The following KLF9 variants were observed in gnomAD, a reference collection of about 807,000 sequenced individuals.
The protein encoded by KLF9 is KLF transcription factor 9.
In KLF9, 2 loss-of-function variants were observed where a neutral mutation model predicts 17.3. The ratio of observed to expected loss-of-function variants is 0.12; its 90% CI spans 0.05 to 0.36. The LOEUF (loss-of-function observed/expected upper bound fraction) is 0.36. Among genes scored for constraint, KLF9 ranks in the 10% least tolerant of loss-of-function variants. KLF9 has a pLI of 1.00. For missense variants in KLF9, 226 were observed against 333.2 expected, an observed-to-expected ratio of 0.68 and a Z score of 2.51; for synonymous variants, 138 against 139.2, an observed-to-expected ratio of 0.99 and a Z score of 0.06.
At position 70,412,907 on chromosome 9, in the gene KLF9, C is replaced by A; in HGVS notation, c.457G>T (p.Val153Phe). 1 of 1,612,044 alleles carries A rather than the reference C, an allele frequency of 6.2e-7. No homozygotes were observed. Among genetic ancestry groups the A allele is most frequent in the Non-Finnish European group, 8.5e-7 (1 of 1,178,928 alleles). The change falls in exon 1 of 2, where the codon GTC becomes TTC. Residue 153 changes from valine (V) to phenylalanine (F), a missense_variant. Coordinates refer to ENST00000377126, the MANE Select transcript of KLF9 (RefSeq NM_001206.4). Reference sequence around the variant, plus strand: ...TTGAGATGGGAGGATTTTCCATAGACTTTCCCACAGCCACTGTAGGGGCAC... The same window carrying A: ...TTGAGATGGGAGGATTTTCCATAGAATTTCCCACAGCCACTGTAGGGGCAC... ...HKCPYSGCGK[V>F]YGKSSHLKAH... is the part of the protein sequence containing the mutation.
intron 1 of KLF9, among the ~76,000 whole-genome samples, chr9:70,396,013 C>A (rs1425805439): frequency 6.6e-6 from 1 of 152,048 alleles, no homozygotes; most frequent in Admixed American, 6.6e-5. Flanking sequence ...ATATTTCATA[C>A]AAAAATATAT....
intron 1 of KLF9, 65 bp downstream of exon 1, chr9:70,412,794 G>A (rs757101060): frequency 6.6e-5 from 99 of 1,492,848 alleles, no homozygotes; most frequent in Non-Finnish European, 8.6e-5. Flanking sequence ...CGAACGCCCA[G>A]GAACGCTGCC....
At chr9:70,409,130 G>GTGTGTATATATA in intron 1 of KLF9, among the ~76,000 whole-genome samples, 1 of 53,000 alleles carries the variant, frequency 1.9e-5, no homozygotes, top group Non-Finnish European at 5.2e-5. Flanking sequence ...ATGTATATAT[G>GTGTGTATATATA]TATACATATA....
At chr9:70,397,405 G>A (rs1402497882) in intron 1 of KLF9, among the ~76,000 whole-genome samples, 3 of 152,008 alleles carry the variant, frequency 2.0e-5, no homozygotes. Flanking sequence ...AACCCTGGAG[G>A]TGGAGGTTGC....
At chr9:70,389,440 T>C (rs1367865789) in intron 1 of KLF9, among the ~76,000 whole-genome samples, 1 of 152,024 alleles carries the variant, frequency 6.6e-6, no homozygotes, top group African/African-American at 2.4e-5. Flanking sequence ...GAAAGCAGAG[T>C]AATGAACTGG....
chr9:70,402,056 G>GAAAAGA (rs927603410), intron 1 of KLF9, among the ~76,000 whole-genome samples: 3 of 151,866 alleles, frequency 2.0e-5, no homozygotes, highest in Admixed American at 2.0e-4. Context: ...AAATCAATTA[G>GAAAAGA]AAAAGAAAAA....
At chr9:70,393,312 G>C (rs1483707923) in intron 1 of KLF9, among the ~76,000 whole-genome samples, 2 of 152,212 alleles carry the variant, frequency 1.3e-5, no homozygotes, top group African/African-American at 4.8e-5. Context: ...CTGCTGATTA[G>C]TTGATGATGC....
At chr9:70,412,838 G>T in intron 1 of KLF9, 21 bp downstream of exon 1, 1 of 1,536,530 alleles carries the variant, frequency 6.5e-7, no homozygotes, top group Non-Finnish European at 8.8e-7. Context: ...GAGCTCCGGG[G>T]GAGAGGGCGA....
intron 1 of KLF9, among the ~76,000 whole-genome samples, chr9:70,397,519 C>A (rs1396425845): frequency 2.0e-5 from 3 of 151,828 alleles, no homozygotes; most frequent in Non-Finnish European, 4.4e-5. Flanking sequence ...CCTGAATATA[C>A]TACATCTGTC....
Position 70,412,939 on chromosome 9 carries a change from C to A in KLF9, c.425G>T (p.Arg142Met), listed in dbSNP as rs762712909. Residue 142 changes from arginine to methionine, a missense_variant, in exon 1 of 2, where the codon AGG becomes ATG. Physicochemically the swap from Arg to Met is moderately conservative, Grantham distance 91. Coordinates refer to ENST00000377126, the MANE Select transcript of KLF9 (RefSeq NM_001206.4). ...ACAGCCACTGTAGGGGCACTTGTGCCTCTTTTCGGAGGCGTGTTTCCCCTT... is the reference window on the plus strand; with the variant it reads ...ACAGCCACTGTAGGGGCACTTGTGCATCTTTTCGGAGGCGTGTTTCCCCTT... ...AAKGKHASEK[R>M]HKCPYSGCGK... is the part of the protein sequence containing the mutation. 37 of 1,614,086 alleles carry A rather than the reference C, an allele frequency of 2.3e-5. No individual in the cohort carries two copies. The highest frequency in any genetic ancestry group is 3.1e-5 in the Non-Finnish European group (36 of 1,180,010).
chr9:70,414,397 C>G lies in KLF9; in HGVS notation c.-1034G>C, dbSNP rs1294786425. 2 of 152,250 alleles carry G rather than the reference C, an allele frequency of 1.3e-5. No homozygotes were observed. Among genetic ancestry groups the G allele is most frequent in the Non-Finnish European group, 1.5e-5 (1 of 68,048 alleles). 9.4% of individuals were successfully genotyped at this position (152,250 alleles called of 1,614,324 possible). A position where few individuals can be genotyped will look rare whatever the true frequency, so the allele number is the denominator to read the frequency against. On this transcript the variant is annotated 5_prime_UTR_variant, in exon 1 of 2. Transcript: ENST00000377126. ...CAAACGCTACAGTCCCAGCAACCAG[C>G]CTTCCAATCAAAAGTAAGTTGGTTG...
chr9:70,402,163 G>T (rs538862849), intron 1 of KLF9, among the ~76,000 whole-genome samples: 1 of 152,264 alleles, frequency 6.6e-6, no homozygotes, highest in East Asian at 1.9e-4. Flanking sequence ...CAAGCATTTT[G>T]GGGCTGGCCA....
At chr9:70,404,817 C>T (rs2037245653) in intron 1 of KLF9, among the ~76,000 whole-genome samples, 1 of 152,092 alleles carries the variant, frequency 6.6e-6, no homozygotes, top group South Asian at 2.1e-4. Context: ...TACTGAGCTC[C>T]ATTTTACAGA....
In KLF9 at chr9:70,401,154, C is replaced by T. The variant is rs1003662244; in HGVS notation, c.505+11705G>A. On this transcript the variant is annotated intron_variant, in intron 1 of 1. Coordinates refer to ENST00000377126, the MANE Select transcript of KLF9 (RefSeq NM_001206.4). ...TTCGAGACCAGCCTGAGCAATATAG[C>T]GAGATCCCATCTCCAAAAAAAAAAA... 4.4e-4 allele frequency among the ~76,000 whole-genome samples: 60 copies of T among 137,350 alleles called. 1 individual carries two copies. Among genetic ancestry groups the T allele is most frequent in the African/African-American group, 1.6e-3 (59 of 35,988 alleles). 90.1% of individuals were successfully genotyped at this position (137,350 alleles called of 152,430 possible).
chr9:70,413,451 G>GAGCGCGGCGCGGCGCGGCAC lies in KLF9; in HGVS notation c.-108_-89dup, dbSNP rs2037344440. ...TCGCCCTGCCCTGGCCTCGGACGAC[G>GAGCGCGGCGCGGCGCGGCAC]AGCGCGGCGCGGCGCGGCACGGCGC... On this transcript the variant is annotated 5_prime_UTR_variant, in exon 1 of 2. Transcript: ENST00000377126. The surrounding 1 kb of genome is among the most constrained non-coding windows in gnomAD (Gnocchi z 5.6). The GAGCGCGGCGCGGCGCGGCAC allele has an allele frequency of 1.6e-6, 2 of 1,263,146 alleles. No homozygotes were observed. The highest frequency in any genetic ancestry group is 3.1e-5 in the African/African-American group (2 of 63,918). 78.2% of individuals were successfully genotyped at this position (1,263,146 alleles called of 1,614,324 possible). A position where few individuals can be genotyped will look rare whatever the true frequency, so the allele number is the denominator to read the frequency against.
chr9:70,398,288 A>G (rs2037197375), intron 1 of KLF9, among the ~76,000 whole-genome samples: 1 of 152,136 alleles, frequency 6.6e-6, no homozygotes, highest in African/African-American at 2.4e-5. Flanking sequence ...GTAGAAAGCA[A>G]CTTGTCCTAT....
In KLF9 at chr9:70,409,022, G is replaced by GTA. The variant is rs778803628; in HGVS notation, c.505+3835_505+3836dup. Among the ~76,000 whole-genome samples, 117 of 99,698 alleles carry GTA rather than the reference G, an allele frequency of 1.2e-3. 1 individual carries two copies. The highest frequency in any genetic ancestry group is 5.4e-3 in the Middle Eastern group (1 of 186). The allele number at this position is 99,698 out of a possible 152,430, so 65.4% of individuals were successfully genotyped here. The stretch of plus-strand genomic sequence containing the variant: ...TGTGTATATATATATACACATATAT[G>GTA]TATATATATATATGTGTATATATAT... On this transcript the variant is annotated intron_variant, in intron 1 of 1. Coordinates refer to ENST00000377126, the MANE Select transcript of KLF9 (RefSeq NM_001206.4).
At chr9:70,397,338 G>A (rs142335775) in intron 1 of KLF9, among the ~76,000 whole-genome samples, 7 of 152,178 alleles carry the variant, frequency 4.6e-5, no homozygotes, top group East Asian at 3.9e-4. Context: ...AGCCAGGCAT[G>A]GTGGCACATG....
At chr9:70,398,213 T>A (rs2037196543) in intron 1 of KLF9, among the ~76,000 whole-genome samples, 1 of 152,192 alleles carries the variant, frequency 6.6e-6, no homozygotes, top group African/African-American at 2.4e-5. Context: ...TTGTATTTGT[T>A]GATACAACAG....
Sources: gnomAD v4.1 joint callset for allele counts (sites outside exome capture counted in the v4.1 genomes callset) on GRCh38, gnomAD v4.1.1 for gene constraint, Gnocchi (gnomAD v3.1) non-coding constraint, MANE v1.5 for transcripts, NCBI Gene and HGNC (gene_info 2026-07-23, HGNC 2026-07-21) for gene names.